ASCC3: variants seen among roughly 807,000 people sequenced by gnomAD.
ASCC3 encodes the protein ASC-1 complex subunit P200.
ASCC3 carries 158 observed loss-of-function variants against 256.3 expected under a neutral mutation model. The ratio of observed to expected loss-of-function variants is 0.62; its 90% CI spans 0.54 to 0.70. ASCC3 has a LOEUF of 0.70. Among genes scored for constraint, ASCC3 ranks in the 30% least tolerant of loss-of-function variants. The pLI, the probability that ASCC3 is intolerant of heterozygous loss-of-function variation, is 0.00. For missense variants in ASCC3, 2,259 were observed against 2,626.0 expected (o/e 0.86, Z 3.05); for synonymous variants, 948 against 883.4 (o/e 1.07, Z -1.30).
At chr6:100,677,689 T>C (rs972454198) in intron 14 of ASCC3, among the ~76,000 whole-genome samples, 2 of 151,670 alleles carry the variant, frequency 1.3e-5, no homozygotes, top group Non-Finnish European at 2.9e-5. Context: ...AAATACTCTA[T>C]GAAAGGCTGG....
At chr6:100,677,759 G>GA (rs11363096) in intron 14 of ASCC3, among the ~76,000 whole-genome samples, 16 of 143,908 alleles carry the variant, frequency 1.1e-4, no homozygotes, top group Middle Eastern at 3.8e-3. Flanking sequence ...CATTCTTCTT[G>GA]AAAAAAAAAA....
intron 8 of ASCC3, among the ~76,000 whole-genome samples, chr6:100,791,814 G>T (rs1298786061): frequency 1.3e-5 from 2 of 151,870 alleles, no homozygotes; most frequent in African/African-American, 4.8e-5. Context: ...TTGAATCCTG[G>T]AAAATATTTC....
At chr6:100,621,602 G>C (rs947789461) in intron 30 of ASCC3, among the ~76,000 whole-genome samples, 13 of 152,164 alleles carry the variant, frequency 8.5e-5, no homozygotes, top group Non-Finnish European at 5.9e-5. Context: ...ATGCAGGCAA[G>C]GTTGTGGAGA....
In ASCC3 at chr6:100,524,000, T is replaced by C. The variant is rs76815254; in HGVS notation, c.5776-5858A>G. The stretch of plus-strand genomic sequence containing the variant: ...ACAACACTTTCAGTAACAGCTCTCA[T>C]CTAATATTTAACAATACTAACTATG... On this transcript the variant is annotated intron_variant, in intron 37 of 41. Transcript: ENST00000369162. Among the ~76,000 whole-genome samples the C allele has an allele frequency of 1.2e-4, 18 of 152,260 alleles. No homozygotes were observed. The East Asian group carries it at 3.5e-3, about 29-fold the overall frequency.
intron 37 of ASCC3, among the ~76,000 whole-genome samples, chr6:100,522,629 A>T (rs1774367824): frequency 6.6e-6 from 1 of 152,000 alleles, no homozygotes; most frequent in Non-Finnish European, 1.5e-5. Flanking sequence ...CCTGGAGATG[A>T]CATCTGGAAA....
intron 1 of ASCC3, among the ~76,000 whole-genome samples, chr6:100,871,808 T>G (rs1562360258): frequency 1.3e-5 from 2 of 152,028 alleles, no homozygotes; most frequent in Non-Finnish European, 2.9e-5. Context: ...TCAATGGGGG[T>G]CTGTAAGAGA....
chr6:100,812,519 A>G (rs771139517), intron 4 of ASCC3, among the ~76,000 whole-genome samples: 2 of 152,196 alleles, frequency 1.3e-5, no homozygotes, highest in Non-Finnish European at 1.5e-5. Context: ...AAATTATGAA[A>G]TTATACACTA....
intron 36 of ASCC3, among the ~76,000 whole-genome samples, chr6:100,577,613 G>C (rs1582479635): frequency 6.6e-6 from 1 of 152,000 alleles, no homozygotes; most frequent in Admixed American, 6.6e-5. Flanking sequence ...AACACCTGCT[G>C]TCATCCTTAG....
At chr6:100,682,476 G>A (rs1777354487) in intron 13 of ASCC3, among the ~76,000 whole-genome samples, 1 of 152,168 alleles carries the variant, frequency 6.6e-6, no homozygotes, top group Non-Finnish European at 1.5e-5. Flanking sequence ...AATTTAAGGA[G>A]AAAGATAAAA....
chr6:100,660,870 G>A (rs1003133109), intron 16 of ASCC3, among the ~76,000 whole-genome samples: 2 of 151,542 alleles, frequency 1.3e-5, no homozygotes, highest in African/African-American at 4.8e-5. Context: ...ATTGCACTGT[G>A]TTTTCATGTC....
At chr6:100,634,978 AG>A (rs1038257138) in intron 25 of ASCC3, among the ~76,000 whole-genome samples, 1 of 152,148 alleles carries the variant, frequency 6.6e-6, no homozygotes, top group Admixed American at 6.5e-5. Flanking sequence ...TAAACTGTAC[AG>A]CCATTATGGA....
chr6:100,795,845 A>C (rs1217451701), intron 8 of ASCC3, among the ~76,000 whole-genome samples: 10 of 152,156 alleles, frequency 6.6e-5, no homozygotes, highest in Non-Finnish European at 4.4e-5. Context: ...TTTCTCTGAC[A>C]CATAAAAGAT....
intron 4 of ASCC3, among the ~76,000 whole-genome samples, chr6:100,819,112 CAA>C: frequency 6.9e-6 from 1 of 145,432 alleles, no homozygotes; most frequent in South Asian, 2.2e-4. Flanking sequence ...GGGAATTGAA[CAA>C]TGAGATCACT....
intron 10 of ASCC3, among the ~76,000 whole-genome samples, chr6:100,744,042 G>T (rs1185130837): frequency 6.6e-6 from 1 of 152,092 alleles, no homozygotes; most frequent in Non-Finnish European, 1.5e-5. Flanking sequence ...ATATGAAAAA[G>T]ATACACAGTA....
intron 11 of ASCC3, among the ~76,000 whole-genome samples, chr6:100,720,119 T>C (rs1050430002): frequency 1.6e-4 from 25 of 151,880 alleles, no homozygotes; most frequent in African/African-American, 5.8e-4. Context: ...CAAATAAAAA[T>C]AAGAGCTTTG....
At chr6:100,588,041 A>G (rs1480563841) in intron 36 of ASCC3, among the ~76,000 whole-genome samples, 1 of 152,226 alleles carries the variant, frequency 6.6e-6, no homozygotes, top group East Asian at 1.9e-4. Context: ...GCATGTGTGC[A>G]TATGTGTATG....
Position 100,625,317 on chromosome 6 carries a change from G to GA in ASCC3, c.4659dup (p.Pro1554SerfsTer29). On this transcript the variant is annotated frameshift_variant, in exon 30 of 42. Coordinates refer to ENST00000369162, the MANE Select transcript of ASCC3 (RefSeq NM_006828.4). Reference sequence around the variant, plus strand: ...ACAAATATCAAAACAGGTTTGGCTGGAGAATGGCTTCTAATTGCTGTTGAA... The same window carrying GA: ...ACAAATATCAAAACAGGTTTGGCTGGAAGAATGGCTTCTAATTGCTGTTGAA... 1 of 1,612,730 alleles carries GA rather than the reference G, an allele frequency of 6.2e-7. No homozygotes were observed. Among genetic ancestry groups the GA allele is most frequent in the Non-Finnish European group, 8.5e-7 (1 of 1,179,092 alleles).
intron 4 of ASCC3, among the ~76,000 whole-genome samples, chr6:100,832,577 T>C (rs1771674640): frequency 6.6e-6 from 1 of 151,972 alleles, no homozygotes. Flanking sequence ...CATTTTTAAC[T>C]TAAAAGAAAG....
chr6:100,536,311 G>A (rs1775158756), intron 37 of ASCC3, among the ~76,000 whole-genome samples: 1 of 152,180 alleles, frequency 6.6e-6, no homozygotes, highest in South Asian at 2.1e-4. Flanking sequence ...ATTGAAATAA[G>A]AGGTATAAGA....
Sources: allele counts gnomAD v4.1 joint callset (sites outside exome capture counted in the v4.1 genomes callset), GRCh38; gene constraint gnomAD v4.1.1; transcripts MANE v1.5; gene names NCBI Gene and HGNC (gene_info 2026-07-23, HGNC 2026-07-21).